The following DAGLA variants were observed in gnomAD, a reference collection of about 807,000 sequenced individuals.
The protein encoded by DAGLA is diacylglycerol lipase alpha.
DAGLA carries 22 observed loss-of-function variants against 102.6 expected under a neutral mutation model. The observed-to-expected ratio is 0.21, with a 90% CI of 0.15 to 0.31. DAGLA has a LOEUF of 0.31. DAGLA is among the 10% of genes least tolerant of loss of function. DAGLA has a pLI of 1.00. For missense variants in DAGLA, 927 were observed against 1,446.6 expected, an observed-to-expected ratio of 0.64 and a Z score of 5.83; for synonymous variants, 578 against 628.9, an observed-to-expected ratio of 0.92 and a Z score of 1.21.
chr11:61,683,888 G>T (rs1199551220), intron 1 of DAGLA, among the ~76,000 whole-genome samples: 1 of 152,156 alleles, frequency 6.6e-6, no homozygotes, highest in Non-Finnish European at 1.5e-5. Context: ...AGGGCAAGCA[G>T]CTCCCTGGAG....
chr11:61,707,061 G>C (rs1306164257), intron 1 of DAGLA, among the ~76,000 whole-genome samples: 3 of 152,232 alleles, frequency 2.0e-5, no homozygotes, highest in African/African-American at 4.8e-5. Context: ...GGATAGTTAG[G>C]GGGGCCGAGG....
intron 1 of DAGLA, among the ~76,000 whole-genome samples, chr11:61,681,923 G>A (rs377206334): frequency 2.0e-5 from 3 of 152,306 alleles, no homozygotes. Context: ...ACAGTGTAGG[G>A]GAAATCTTCA....
chr11:61,691,542 C>T (rs564145049), intron 1 of DAGLA, among the ~76,000 whole-genome samples: 306 of 152,354 alleles, frequency 2.0e-3, no homozygotes, highest in East Asian at 5.2e-3. Context: ...TGGGACCCCC[C>T]CCAACCCAAC....
intron 1 of DAGLA, among the ~76,000 whole-genome samples, chr11:61,685,002 A>C (rs1379403474): frequency 6.6e-6 from 1 of 151,984 alleles, no homozygotes; most frequent in African/African-American, 2.4e-5. Context: ...GGGCTCTCAC[A>C]CACCCTTCTG....
intron 1 of DAGLA, among the ~76,000 whole-genome samples, chr11:61,718,333 A>G (rs978541090): frequency 1.3e-5 from 2 of 151,968 alleles, no homozygotes; most frequent in African/African-American, 4.8e-5. Context: ...TGTTCCATTC[A>G]TGTGAGGGGC....
At position 61,741,323 on chromosome 11, in the gene DAGLA, T is replaced by C; in HGVS notation, c.2145T>C (p.Thr715=). The C allele has an allele frequency of 6.2e-7, 1 of 1,609,550 alleles. No homozygotes were observed. Among genetic ancestry groups the C allele is most frequent in the Admixed American group, 1.7e-5 (1 of 59,996 alleles). The change falls in exon 19 of 20, where the codon ACT becomes ACC. Residue 715 remains threonine (T), a synonymous_variant. Transcript: ENST00000257215. ...CTGGCCTTGCCCTGGAGCTGCCGAC[T>C]GCAGACCACCGCAACAGCAGCGTCA... ...MPTGLALELP[T]ADHRNSSVRS... is the part of the protein sequence containing the mutation.
chr11:61,717,236 T>TTG lies in DAGLA; in HGVS notation c.-44-2873_-44-2872dup, dbSNP rs200066790. Among the ~76,000 whole-genome samples the TTG allele has an allele frequency of 3.9e-3, 601 of 152,242 alleles. 5 individuals carry two copies. Among genetic ancestry groups the TTG allele is most frequent in the Non-Finnish European group, 7.5e-3 (508 of 67,978 alleles). ...TCCCCAGCAGGGGAACAGGCCCTTA[T>TTG]TGTGATGGGCCGGGGTCTCTAGAGA... On this transcript the variant is annotated intron_variant, in intron 1 of 19. Coordinates refer to ENST00000257215, the MANE Select transcript of DAGLA (RefSeq NM_006133.3).
In DAGLA at chr11:61,739,615, G is replaced by A; in HGVS notation, c.1807G>A (p.Gly603Ser). 1 of 1,614,068 alleles carries A rather than the reference G, an allele frequency of 6.2e-7. No individual in the cohort carries two copies. The highest frequency in any genetic ancestry group is 8.5e-7 in the Non-Finnish European group (1 of 1,180,016). The change falls in exon 17 of 20, where the codon GGC becomes AGC. Residue 603 changes from glycine (G) to serine (S), a missense_variant. Physicochemically the swap from Gly to Ser is moderately conservative, Grantham distance 56. This residue lies in a region of DAGLA where 218 missense variants were observed against 459.6 expected (regional missense o/e 0.47). Coordinates refer to ENST00000257215, the MANE Select transcript of DAGLA (RefSeq NM_006133.3). ...AGCCAGCACTCCACTCTACCCGCCC[G>A]GCCGCATCATCCACGTGGTCCACAA... ...LSASTPLYPP[G>S]RIIHVVHNHP...
intron 1 of DAGLA, among the ~76,000 whole-genome samples, chr11:61,706,652 G>C (rs1468700054): frequency 2.0e-5 from 3 of 152,192 alleles, no homozygotes; most frequent in African/African-American, 4.8e-5. Context: ...TATAGCAGCC[G>C]GCGGCCACTG....
intron 1 of DAGLA, among the ~76,000 whole-genome samples, chr11:61,711,986 G>A (rs904353463): frequency 1.3e-5 from 2 of 152,244 alleles, no homozygotes. Context: ...CCAGCATGTA[G>A]TAAATGCTAT....
Position 61,723,424 on chromosome 11 carries a change from C to T in DAGLA, c.410-10C>T. On this transcript the variant is annotated splice_polypyrimidine_tract_variant and intron_variant, in intron 4 of 19. Transcript: ENST00000257215. ...CGCCCCTACCTAATGCCTCCCACTGCTGCCCGCAGGAATGGTTGTCTGCAA... is the reference window on the plus strand; with the variant it reads ...CGCCCCTACCTAATGCCTCCCACTGTTGCCCGCAGGAATGGTTGTCTGCAA... 1 of 1,609,522 alleles carries T rather than the reference C, an allele frequency of 6.2e-7. No individual in the cohort carries two copies. Among genetic ancestry groups the T allele is most frequent in the African/African-American group, 1.3e-5 (1 of 74,972 alleles).
chr11:61,742,112 G>A (rs918389293), intron 19 of DAGLA, among the ~76,000 whole-genome samples: 2 of 152,166 alleles, frequency 1.3e-5, no homozygotes, highest in African/African-American at 2.4e-5. Flanking sequence ...CATGTGGACA[G>A]GCAGGTGCTC....
chr11:61,730,065 G>GAA (rs375050067), intron 8 of DAGLA, among the ~76,000 whole-genome samples: 14 of 139,304 alleles, frequency 1.0e-4, no homozygotes, highest in African/African-American at 3.7e-4. Flanking sequence ...TTAAAAAGAA[G>GAA]AAAAAAAAAA....
At position 61,684,011 on chromosome 11, in the gene DAGLA, A is replaced by G. The variant is rs2064965614; in HGVS notation, c.-45+3507A>G. Among the ~76,000 whole-genome samples the G allele has an allele frequency of 6.6e-6, 1 of 152,196 alleles. No individual in the cohort carries two copies. Among genetic ancestry groups the G allele is most frequent in the African/African-American group, 2.4e-5 (1 of 41,450 alleles). On this transcript the variant is annotated intron_variant, in intron 1 of 19. Transcript: ENST00000257215. The surrounding 1 kb of genome is among the most constrained non-coding windows in gnomAD (Gnocchi z 4.5). Reference sequence around the variant, plus strand: ...ATTCCTCAGCTGCCCCATAAATCACAGTGCCTGGCTGCTGTGCTTTAGGGG... The same window carrying G: ...ATTCCTCAGCTGCCCCATAAATCACGGTGCCTGGCTGCTGTGCTTTAGGGG...
chr11:61,742,937 G>A (rs956755312), intron 19 of DAGLA, among the ~76,000 whole-genome samples: 15 of 152,146 alleles, frequency 9.9e-5, no homozygotes, highest in Non-Finnish European at 1.8e-4. Context: ...GGGTTCTGGT[G>A]CAGAGAACCC....
intron 1 of DAGLA, among the ~76,000 whole-genome samples, chr11:61,701,139 A>G (rs2065107602): frequency 6.6e-6 from 1 of 152,308 alleles, no homozygotes; most frequent in Admixed American, 6.5e-5. Flanking sequence ...ACCAAGCCCC[A>G]TGTGTTTTCC....
At chr11:61,705,414 ACT>A (rs1272552554) in intron 1 of DAGLA, among the ~76,000 whole-genome samples, 1 of 151,712 alleles carries the variant, frequency 6.6e-6, no homozygotes, top group Non-Finnish European at 1.5e-5. Flanking sequence ...TGCTGGCCTG[ACT>A]CTGGCCTTTT....
intron 1 of DAGLA, among the ~76,000 whole-genome samples, chr11:61,703,770 G>T (rs919142160): frequency 2.1e-4 from 32 of 152,220 alleles, no homozygotes; most frequent in African/African-American, 7.7e-4. Flanking sequence ...CATCATGAGG[G>T]TCATAGGCAA....
intron 1 of DAGLA, among the ~76,000 whole-genome samples, chr11:61,691,658 A>G (rs1461558081): frequency 2.0e-5 from 3 of 152,258 alleles, no homozygotes; most frequent in African/African-American, 7.2e-5. Context: ...GCTTTGGAGC[A>G]GTTGATTTGA....
Sources: allele counts gnomAD v4.1 joint callset (sites outside exome capture counted in the v4.1 genomes callset), GRCh38; gene constraint gnomAD v4.1.1; regional missense constraint gnomAD v4.1.1; non-coding constraint Gnocchi (gnomAD v3.1); transcripts MANE v1.5; gene names NCBI Gene and HGNC (gene_info 2026-07-23, HGNC 2026-07-21).